IPP: variants seen among roughly 807,000 people sequenced by gnomAD.
IPP encodes the protein actin-binding protein IPP.
In IPP, 41 loss-of-function variants were observed where a neutral mutation model predicts 64.1. The observed-to-expected ratio is 0.64, with a 90% CI of 0.50 to 0.83. The LOEUF (loss-of-function observed/expected upper bound fraction) is 0.83. IPP is among the 40% of genes least tolerant of loss of function. The probability of loss-of-function intolerance (pLI) is 0.00; values close to 1 mark genes in which losing one functional copy is unlikely to be tolerated. For missense variants in IPP, 649 were observed against 703.0 expected (o/e 0.92, Z 0.87); for synonymous variants, 214 against 235.2 (o/e 0.91, Z 0.83).
chr1:45,711,277 GT>G (rs1261563064), intron 8 of IPP, among the ~76,000 whole-genome samples: 2 of 151,936 alleles, frequency 1.3e-5, no homozygotes, highest in African/African-American at 2.4e-5. Flanking sequence ...GGAGGCGGAG[GT>G]TGTAGTGAGC....
intron 3 of IPP, among the ~76,000 whole-genome samples, chr1:45,731,051 G>T (rs1202759568): frequency 6.6e-6 from 1 of 152,206 alleles, no homozygotes; most frequent in African/African-American, 2.4e-5. Flanking sequence ...TAAATAACAA[G>T]AACTCAATAG....
At chr1:45,721,552 G>C (rs1370570919) in intron 5 of IPP, among the ~76,000 whole-genome samples, 1 of 152,174 alleles carries the variant, frequency 6.6e-6, no homozygotes, top group Non-Finnish European at 1.5e-5. Context: ...GTTCCTTCCA[G>C]ACTTCATCAC....
At position 45,725,172 on chromosome 1, in the gene IPP, G is replaced by C. The variant is rs1320290805; in HGVS notation, c.1048+2459C>G. Among the ~76,000 whole-genome samples the C allele has an allele frequency of 5.4e-4, 58 of 106,470 alleles. 1 individual carries two copies. The highest frequency in any genetic ancestry group is 8.1e-4 in the Admixed American group (9 of 11,100). 69.8% of individuals were successfully genotyped at this position (106,470 alleles called of 152,430 possible). A position where few individuals can be genotyped will look rare whatever the true frequency, so the allele number is the denominator to read the frequency against. On this transcript the variant is annotated intron_variant, in intron 5 of 8. Transcript: ENST00000396478. Reference sequence around the variant, plus strand: ...CGTCCGGGAGTGGGGTGGGGGGTCAGCCCCCCGCCCGGCCAGCCGCCCCGT... The same window carrying C: ...CGTCCGGGAGTGGGGTGGGGGGTCACCCCCCCGCCCGGCCAGCCGCCCCGT...
chr1:45,713,169 T>C (rs1179215881), intron 8 of IPP, among the ~76,000 whole-genome samples: 2 of 152,080 alleles, frequency 1.3e-5, no homozygotes, highest in Non-Finnish European at 2.9e-5. Context: ...CCGAAAGATC[T>C]GTAATGCCAG....
chr1:45,735,452 T>A (rs1645964367), intron 3 of IPP, among the ~76,000 whole-genome samples: 1 of 149,614 alleles, frequency 6.7e-6, no homozygotes, highest in African/African-American at 2.4e-5. Flanking sequence ...TTATTTTTTA[T>A]TGATTTAATT....
intron 5 of IPP, among the ~76,000 whole-genome samples, chr1:45,721,077 G>C (rs1645724811): frequency 1.3e-5 from 2 of 152,266 alleles, no homozygotes; most frequent in Admixed American, 6.5e-5. Context: ...GATACTTATA[G>C]CACATATGAC....
At chr1:45,711,159 C>T (rs1645584714) in intron 8 of IPP, among the ~76,000 whole-genome samples, 2 of 146,976 alleles carry the variant, frequency 1.4e-5, no homozygotes, top group East Asian at 2.1e-4. Flanking sequence ...ATGGTGAAAC[C>T]CCATCTCTAC....
intron 8 of IPP, among the ~76,000 whole-genome samples, chr1:45,708,491 C>T (rs1645544537): frequency 6.7e-6 from 1 of 149,620 alleles, no homozygotes; most frequent in South Asian, 2.1e-4. Context: ...CCAGCCTGGC[C>T]AACATGGTGA....
At chr1:45,737,621 C>A (rs1157601403) in intron 3 of IPP, among the ~76,000 whole-genome samples, 2 of 151,950 alleles carry the variant, frequency 1.3e-5, no homozygotes, top group Non-Finnish European at 2.9e-5. Flanking sequence ...CCACCATCCC[C>A]AGCCAATTTT....
intron 2 of IPP, among the ~76,000 whole-genome samples, chr1:45,745,702 A>G (rs369422782): frequency 7.0e-6 from 1 of 142,014 alleles, no homozygotes; most frequent in South Asian, 2.2e-4. Context: ...ACTAAAAATT[A>G]AAAAAAAAAA....
intron 8 of IPP, among the ~76,000 whole-genome samples, chr1:45,712,600 G>A (rs935668027): frequency 6.6e-6 from 1 of 151,916 alleles, no homozygotes; most frequent in African/African-American, 2.4e-5. Context: ...GCTCATGCCT[G>A]TAATCCCAGC....
Position 45,699,116 on chromosome 1 carries a change from CCTTA to C in IPP, c.*846_*849del. 1.0e-6 allele frequency: 1 copy of C among 985,290 alleles called. No individual in the cohort carries two copies. The highest frequency in any genetic ancestry group is 1.2e-6 in the Non-Finnish European group (1 of 829,888). The allele number at this position is 985,290 out of a possible 1,614,324, so 61.0% of individuals were successfully genotyped here. ...GGTCACTAAGAACCTCCTATTAATT[CCTTA>C]CTTGCATTCTCAGGATCAAGACAAA... On this transcript the variant is annotated 3_prime_UTR_variant, in exon 9 of 9. Coordinates refer to ENST00000396478, the MANE Select transcript of IPP (RefSeq NM_005897.3).
At chr1:45,735,415 A>G (rs1340066984) in intron 3 of IPP, among the ~76,000 whole-genome samples, 1 of 151,104 alleles carries the variant, frequency 6.6e-6, no homozygotes, top group Non-Finnish European at 1.5e-5. Context: ...TGTAGAAACA[A>G]GGTCTTGCTT....
downstream of IPP, among the ~76,000 whole-genome samples, chr1:45,695,625 G>A (rs1209104507): frequency 1.3e-5 from 2 of 150,786 alleles, no homozygotes; most frequent in Non-Finnish European, 2.9e-5. Context: ...ATGGTCTAAG[G>A]ATTAAAAATG....
In IPP at chr1:45,717,007, A is replaced by C; in HGVS notation, c.1197T>G (p.Val399=). 1 of 1,612,520 alleles carries C rather than the reference A, an allele frequency of 6.2e-7. No individual in the cohort carries two copies. The highest frequency in any genetic ancestry group is 8.5e-7 in the Non-Finnish European group (1 of 1,179,504). ...YGAIYALGGW[V]GAEIGNTIER... Reference sequence around the variant, plus strand: ...CAATGGTGTTCCCTATCTCAGCTCCAACCCATCCACCTGTAATGAAATAGA... The same window carrying C: ...CAATGGTGTTCCCTATCTCAGCTCCCACCCATCCACCTGTAATGAAATAGA... The change falls in exon 7 of 9, where the codon GTT becomes GTG. Residue 399 remains valine, a synonymous_variant. Transcript: ENST00000396478.
At chr1:45,739,038 A>G (rs559829006) in intron 3 of IPP, among the ~76,000 whole-genome samples, 1 of 152,278 alleles carries the variant, frequency 6.6e-6, no homozygotes, top group Admixed American at 6.5e-5. Context: ...ATAACAATCA[A>G]CTATATCTGT....
At chr1:45,709,826 TA>T (rs151099023) in intron 8 of IPP, among the ~76,000 whole-genome samples, 37 of 6,694 alleles carry the variant, frequency 5.5e-3, no homozygotes, top group Middle Eastern at 0.12. Flanking sequence ...AGACTCTGTC[TA>T]AAAAAAAAAA....
intron 5 of IPP, among the ~76,000 whole-genome samples, chr1:45,723,548 G>A (rs1011910500): frequency 6.6e-6 from 1 of 152,162 alleles, no homozygotes; most frequent in African/African-American, 2.4e-5. Context: ...CACATAAAAG[G>A]AATTATTAAA....
At position 45,740,958 on chromosome 1, in the gene IPP, G is replaced by C. The variant is rs368028796; in HGVS notation, c.667C>G (p.Leu223Val). The C allele has an allele frequency of 3.3e-5, 53 of 1,613,478 alleles. No homozygotes were observed. The highest frequency in any genetic ancestry group is 4.5e-5 in the Non-Finnish European group (53 of 1,179,810). ...AATAAAGGGAATCGAATTGGGTCTA[G>C]CACTTCCACCACATGTTTTCTTCTT... ...GKRRKHVVEV[L>V]DPIRFPLLPP... The change falls in exon 3 of 9, where the codon CTA becomes GTA. Residue 223 changes from leucine (L) to valine (V), a missense_variant. Transcript: ENST00000396478.
Sources: allele counts gnomAD v4.1 joint callset (sites outside exome capture counted in the v4.1 genomes callset), GRCh38; gene constraint gnomAD v4.1.1; transcripts MANE v1.5; gene names NCBI Gene and HGNC (gene_info 2026-07-23, HGNC 2026-07-21).